The following TDRD9 variants were observed in gnomAD, a reference collection of about 807,000 sequenced individuals.
TDRD9 encodes tudor domain containing 9, also known as ATP-dependent RNA helicase TDRD9.
Under a neutral mutation model 172.6 loss-of-function variants are expected in TDRD9, and 124 were observed. That is an observed-to-expected ratio of 0.72 (90% CI 0.62 to 0.83). TDRD9 has a LOEUF of 0.83. TDRD9 is among the 40% of genes least tolerant of loss of function. The pLI, the probability that TDRD9 is intolerant of heterozygous loss-of-function variation, is 0.00. For missense variants in TDRD9, 1,479 were observed against 1,714.1 expected (o/e 0.86, Z 2.42); for synonymous variants, 619 against 617.1 (o/e 1.00, Z -0.05).
At chr14:104,010,263 TA>T (rs1380412565) in intron 20 of TDRD9, among the ~76,000 whole-genome samples, 1 of 151,942 alleles carries the variant, frequency 6.6e-6, no homozygotes, top group African/African-American at 2.4e-5. Context: ...TTTATTCTTT[TA>T]TTTTTTTGTA....
intron 4 of TDRD9, 140 bp from the exon 5 acceptor site, chr14:103,966,569 T>A: frequency 1.2e-6 from 1 of 843,298 alleles, no homozygotes; most frequent in Non-Finnish European, 1.7e-6. Flanking sequence ...GACTTGAGAA[T>A]GTCACTTTTA....
rs1463262361 is a variant in TDRD9, at chr14:104,040,271, AC to A, written c.3793del (p.Leu1265CysfsTer32). 1.3e-6 allele frequency: 2 copies of A among 1,551,508 alleles called. No homozygotes were observed. Among genetic ancestry groups the A allele is most frequent in the Non-Finnish European group, 1.7e-6 (2 of 1,146,880 alleles). On this transcript the variant is annotated frameshift_variant, in exon 33 of 36. Coordinates refer to ENST00000409874, the MANE Select transcript of TDRD9 (RefSeq NM_153046.3). LOFTEE classifies it high-confidence loss of function. ...GGAATCCAGCTACAGGGGCTTCCAT[AC>A]TGCCCGAGCACGACATGGAGCTTGC... is the stretch of plus-strand genomic sequence containing the variant. ...GWNPATGASILPEHDMELAFD... is the reference protein window; with the variant it reads ...GWNPATGASIXPEHDMELAFD...
chr14:104,033,812 G>A, intron 30 of TDRD9, 148 bp from the exon 31 acceptor site: 1 of 613,970 alleles, frequency 1.6e-6, no homozygotes. Flanking sequence ...AAGGAGATGT[G>A]CAGGAGAGTG....
chr14:103,970,441 A>C (rs2032969335), intron 5 of TDRD9, 100 bp from the exon 6 acceptor site: 1 of 789,332 alleles, frequency 1.3e-6, no homozygotes, highest in Admixed American at 2.3e-5. Context: ...AGCAGAGAGA[A>C]CTGGTTTAGT....
chr14:103,993,557 AG>A (rs1400783937), intron 9 of TDRD9, among the ~76,000 whole-genome samples: 2 of 152,194 alleles, frequency 1.3e-5, no homozygotes, highest in Admixed American at 6.5e-5. Context: ...AGTTGTCAGC[AG>A]GGCCATGCTC....
chr14:104,042,229 A>G (rs775823672), intron 34 of TDRD9, 42 bp downstream of exon 34: 3 of 1,351,888 alleles, frequency 2.2e-6, no homozygotes, highest in Non-Finnish European at 3.2e-6. Context: ...TTCCCAGTCA[A>G]CTTTCTCAGC....
At chr14:104,011,546 A>C (rs1271410963) in intron 20 of TDRD9, among the ~76,000 whole-genome samples, 1 of 152,208 alleles carries the variant, frequency 6.6e-6, no homozygotes, top group Non-Finnish European at 1.5e-5. Flanking sequence ...AATTTTAAAA[A>C]AAATTTCAAT....
intron 18 of TDRD9, 39 bp from the exon 19 acceptor site, chr14:104,007,121 C>T (rs1224047749): frequency 6.3e-7 from 1 of 1,590,836 alleles, no homozygotes; most frequent in Non-Finnish European, 8.6e-7. Flanking sequence ...TTCAGTGAGC[C>T]AACACATTAT....
rs1016443371 is a variant in TDRD9, at chr14:103,997,076, A to T, written c.1378+1269A>T. 1.3e-5 allele frequency among the ~76,000 whole-genome samples: 2 copies of T among 152,212 alleles called. No homozygotes were observed. Among genetic ancestry groups the T allele is most frequent in the African/African-American group, 4.8e-5 (2 of 41,452 alleles). On this transcript the variant is annotated intron_variant, in intron 12 of 35. Coordinates refer to ENST00000409874, the MANE Select transcript of TDRD9 (RefSeq NM_153046.3). This position sits in a 1 kb window ranked among gnomAD's most constrained non-coding sequence, Gnocchi z 5.1. Reference sequence around the variant, plus strand: ...GGGTAGCAGGGGCCATGCAGGGCCCATAGGACCTGGTACAACCTTGCTGTG... The same window carrying T: ...GGGTAGCAGGGGCCATGCAGGGCCCTTAGGACCTGGTACAACCTTGCTGTG...
rs191034467 is a variant in TDRD9, at chr14:103,997,121, G to A, written c.1378+1314G>A. 3.3e-5 allele frequency among the ~76,000 whole-genome samples: 5 copies of A among 152,334 alleles called. No individual in the cohort carries two copies. The highest frequency in any genetic ancestry group is 6.5e-5 in the Admixed American group (1 of 15,302). On this transcript the variant is annotated intron_variant, in intron 12 of 35. Transcript: ENST00000409874. The surrounding 1 kb of genome is among the most constrained non-coding windows in gnomAD (Gnocchi z 5.1). Reference sequence around the variant, plus strand: ...GCTGTGCTGGGCAAGATGGAAAATCGTTGGTAGGTTTTGAAAACAGAAATG... The same window carrying A: ...GCTGTGCTGGGCAAGATGGAAAATCATTGGTAGGTTTTGAAAACAGAAATG...
chr14:103,994,236 C>T (rs1297850891), intron 9 of TDRD9, 96 bp from the exon 10 acceptor site: 10 of 1,028,936 alleles, frequency 9.7e-6, no homozygotes, highest in Non-Finnish European at 1.5e-5. Context: ...ATTGGTAGGG[C>T]CTTCTTTGAA....
intron 7 of TDRD9, among the ~76,000 whole-genome samples, chr14:103,978,485 G>A (rs1488581964): frequency 6.6e-6 from 1 of 152,146 alleles, no homozygotes; most frequent in Non-Finnish European, 1.5e-5. Flanking sequence ...TATTTGGTTT[G>A]ACTGTATTTT....
In TDRD9 at chr14:104,004,223, A is replaced by G. The variant is rs1555371253; in HGVS notation, c.1484-15A>G. Reference sequence around the variant, plus strand: ...AATTAATGCCAAACACTGTTTGCACATCTCTCCTTTGAAGGCCGTGCTGGA... The same window carrying G: ...AATTAATGCCAAACACTGTTTGCACGTCTCTCCTTTGAAGGCCGTGCTGGA... On this transcript the variant is annotated splice_polypyrimidine_tract_variant and intron_variant, in intron 13 of 35. Coordinates refer to ENST00000409874, the MANE Select transcript of TDRD9 (RefSeq NM_153046.3). The G allele has an allele frequency of 1.4e-6, 2 of 1,441,532 alleles. No individual in the cohort carries two copies. Among genetic ancestry groups the G allele is most frequent in the Admixed American group, 3.4e-5 (2 of 59,026 alleles). 89.3% of individuals were successfully genotyped at this position (1,441,532 alleles called of 1,614,324 possible). A position where few individuals can be genotyped will look rare whatever the true frequency, so the allele number is the denominator to read the frequency against.
Position 104,049,630 on chromosome 14 carries a change from AG to A in TDRD9, c.4000del (p.Glu1334ArgfsTer91), listed in dbSNP as rs1372199473. 1 of 1,583,858 alleles carries A rather than the reference AG, an allele frequency of 6.3e-7. No homozygotes were observed. ...LLGLFCQSKP[R>X]EKIVPKWHEK... ...TAGTTTGTTCTGTCAGTCAAAACCA[AG>A]GGAGAAGATTGTTCCCAAGTGGCAT... On this transcript the variant is annotated frameshift_variant, in exon 35 of 36. Coordinates refer to ENST00000409874, the MANE Select transcript of TDRD9 (RefSeq NM_153046.3). LOFTEE classifies it high-confidence loss of function.
chr14:103,972,207 T>C (rs1430041403), intron 6 of TDRD9, among the ~76,000 whole-genome samples: 4 of 151,194 alleles, frequency 2.6e-5, no homozygotes, highest in African/African-American at 9.8e-5. Flanking sequence ...CTTGGGAGGC[T>C]GAGGCAGGAG....
Position 104,008,646 on chromosome 14 carries a change from C to A in TDRD9, c.2106+180C>A, listed in dbSNP as rs566006106. ...GTGTTTTCACCTTTCAGTAGAACTACTTGGGTTTCTAATAAATACTCCTTT... is the reference window on the plus strand; with the variant it reads ...GTGTTTTCACCTTTCAGTAGAACTAATTGGGTTTCTAATAAATACTCCTTT... On this transcript the variant is annotated intron_variant, in intron 20 of 35. Coordinates refer to ENST00000409874, the MANE Select transcript of TDRD9 (RefSeq NM_153046.3). Among the ~76,000 whole-genome samples the A allele has an allele frequency of 5.1e-3, 776 of 152,300 alleles. 6 individuals are homozygous for A. The highest frequency in any genetic ancestry group is 0.044 in the Middle Eastern group (13 of 294).
intron 23 of TDRD9, among the ~76,000 whole-genome samples, chr14:104,019,133 AACTT>A (rs1338173531): frequency 6.6e-6 from 1 of 152,232 alleles, no homozygotes; most frequent in African/African-American, 2.4e-5. Flanking sequence ...TATATAAAGT[AACTT>A]ACTTAAAGCT....
intron 24 of TDRD9, among the ~76,000 whole-genome samples, chr14:104,023,998 A>G (rs186337023): frequency 6.4e-4 from 97 of 152,340 alleles, no homozygotes; most frequent in Non-Finnish European, 2.6e-4. Flanking sequence ...TCTTCATTTT[A>G]GAATAAAGTA....
chr14:103,954,781 A>G (rs535792877), intron 1 of TDRD9, among the ~76,000 whole-genome samples: 2 of 151,976 alleles, frequency 1.3e-5, no homozygotes, highest in Non-Finnish European at 2.9e-5. Flanking sequence ...GGGACCTGCC[A>G]CCACACCCAG....
Sources: allele counts gnomAD v4.1 joint callset (sites outside exome capture counted in the v4.1 genomes callset), GRCh38; gene constraint gnomAD v4.1.1; non-coding constraint Gnocchi (gnomAD v3.1); transcripts MANE v1.5; gene names NCBI Gene and HGNC (gene_info 2026-07-23, HGNC 2026-07-21).